The following L1CAM variants were observed in gnomAD, a reference collection of about 807,000 sequenced individuals.
L1CAM encodes L1 cell adhesion molecule, also known as neural cell adhesion molecule L1.
In L1CAM, 8 loss-of-function variants were observed where a neutral mutation model predicts 93.0. That is an observed-to-expected ratio of 0.09 (90% CI 0.05 to 0.16). L1CAM has a LOEUF of 0.16. L1CAM is among the 10% of genes least tolerant of loss of function. The probability of loss-of-function intolerance (pLI) is 1.00; values close to 1 mark genes in which losing one functional copy is unlikely to be tolerated. For missense variants in L1CAM, 777 were observed against 1,073.4 expected (o/e 0.72, Z 3.86); for synonymous variants, 453 against 453.0 (o/e 1.00, Z 0.00).
At position 153,870,495 on chromosome X, in the gene L1CAM, G is replaced by A. The variant is rs2064759219; in HGVS notation, c.699C>T (p.Asn233=). ...EPIDLRVKAT[N]SMIDRKPRLL... ...GGCGCGGCTTCCTGTCAATCATGCTGTTGGCTGCCAGGAGAAAGTGGGTGG... is the reference window on the plus strand; with the variant it reads ...GGCGCGGCTTCCTGTCAATCATGCTATTGGCTGCCAGGAGAAAGTGGGTGG... The change falls in exon 8 of 29, where the codon AAC becomes AAT. Residue 233 remains asparagine (N), a synonymous_variant. Transcript: ENST00000370060. The A allele has an allele frequency of 8.3e-7, 1 of 1,207,291 alleles. No individual in the cohort carries two copies. Among genetic ancestry groups the A allele is most frequent in the Non-Finnish European group, 1.1e-6 (1 of 891,241 alleles).
chrX:153,877,762 C>T (rs1478804336), intron 1 of L1CAM, among the ~76,000 whole-genome samples: 2 of 112,707 alleles, frequency 1.8e-5, no homozygotes, highest in Non-Finnish European at 3.7e-5. Context: ...AGGCCTCCTC[C>T]CTTCCAGATG....
intron 1 of L1CAM, among the ~76,000 whole-genome samples, chrX:153,877,036 A>G (rs2064818026): frequency 9.6e-6 from 1 of 104,408 alleles, no homozygotes; most frequent in Non-Finnish European, 2.0e-5. Flanking sequence ...GGCCAGGCAC[A>G]GTGGCTCATG....
chrX:153,880,830 G>A, intron 1 of L1CAM: 1 of 267,757 alleles, frequency 3.7e-6, no homozygotes. Context: ...CTTTATGACT[G>A]CTGCTTAGTC....
chrX:153,864,262 C>T, intron 25 of L1CAM, 60 bp downstream of exon 25: 1 of 1,163,947 alleles, frequency 8.6e-7, no homozygotes. Context: ...GACAGAAGGA[C>T]ATGAATTGTG....
rs137940405 is a variant in L1CAM, at chrX:153,868,040, C to T, written c.1786G>A (p.Glu596Lys). The change falls in exon 15 of 29, where the codon GAA (glutamate) becomes AAA (lysine). Residue 596 changes from glutamate (E) to lysine (K), a missense_variant. Glu to Lys is a moderately conservative substitution (Grantham distance 56, BLOSUM62 1). Around this residue, in one of 5 missense-constraint regions of L1CAM, gnomAD observed 574 missense variants for 781.0 expected, o/e 0.73. Transcript: ENST00000370060. ...GCCCTACTCTCCACCACATCCAGTTCGGTACTGGCCACGCAGCTGTAGTTG... is the reference window on the plus strand; with the variant it reads ...GCCCTACTCTCCACCACATCCAGTTTGGTACTGGCCACGCAGCTGTAGTTG... ...QGNYSCVAST[E>K]LDVVESRAQL... 14 of 1,208,575 alleles carry T rather than the reference C, an allele frequency of 1.2e-5. No homozygotes were observed. The highest frequency in any genetic ancestry group is 1.1e-4 in the Admixed American group (5 of 45,719).
intron 1 of L1CAM, among the ~76,000 whole-genome samples, chrX:153,876,720 G>A (rs782215724): frequency 5.1e-4 from 58 of 112,958 alleles, no homozygotes; most frequent in Admixed American, 2.9e-3. Flanking sequence ...AGGGCCAGGC[G>A]TGGTGGCTCA....
At chrX:153,884,569 G>A (rs1486723477) in intron 1 of L1CAM, 2 of 190,205 alleles carry the variant, frequency 1.1e-5, no homozygotes, top group African/African-American at 2.9e-5. Context: ...TATGGAGAGA[G>A]ACTCAGATGC....
At chrX:153,885,529 A>G (rs1191131358) in intron 1 of L1CAM, 92 of 514,331 alleles carry the variant, frequency 1.8e-4, no homozygotes, top group Non-Finnish European at 2.5e-4. Context: ...GGCAGCGCCC[A>G]GTCCCGTTCA....
chrX:153,876,861 T>C (rs1057243613), intron 1 of L1CAM, among the ~76,000 whole-genome samples: 1 of 108,849 alleles, frequency 9.2e-6, no homozygotes, highest in Non-Finnish European at 1.9e-5. Context: ...AAATTAGCCT[T>C]GGTGGTGGGC....
intron 2 of L1CAM, among the ~76,000 whole-genome samples, chrX:153,874,624 CT>C (rs2064799222): frequency 8.9e-6 from 1 of 112,504 alleles, no homozygotes; most frequent in Non-Finnish European, 1.9e-5. Flanking sequence ...CTCGCAGCCC[CT>C]GTCCCACTGC....
chrX:153,869,374 C>A, intron 11 of L1CAM, 146 bp downstream of exon 11: 1 of 635,583 alleles, frequency 1.6e-6, no homozygotes, highest in Non-Finnish European at 2.6e-6. Flanking sequence ...TGAGATGGGG[C>A]GAAGGGTGTC....
At chrX:153,878,491 G>T (rs2064827399) in intron 1 of L1CAM, among the ~76,000 whole-genome samples, 1 of 112,877 alleles carries the variant, frequency 8.9e-6, no homozygotes, top group South Asian at 3.6e-4. Context: ...AGCAACAGTG[G>T]ATCTGTTCCA....
In L1CAM at chrX:153,872,650, C is replaced by A. The variant is rs147251476; in HGVS notation, c.139G>T (p.Val47Phe). 1.9e-5 allele frequency: 23 copies of A among 1,209,124 alleles called. No individual in the cohort carries two copies. In the African/African-American group the frequency reaches 3.5e-4, roughly 18 times the overall value. Residue 47 changes from valine (V) to phenylalanine (F), a missense_variant, in exon 4 of 29, where the codon GTC becomes TTC. Physicochemically the swap from Val to Phe is conservative, Grantham distance 50 (BLOSUM62 -1). Coordinates refer to ENST00000370060, the MANE Select transcript of L1CAM (RefSeq NM_001278116.2). ...ITEQSPRRLV[V>F]FPTDDISLKC... ...AGGCTGATGTCATCTGTGGGGAAGA[C>A]AACCAGGCGCCGTGGAGACTGTTCC...
At position 153,865,150 on chromosome X, in the gene L1CAM, C is replaced by T. The variant is rs782089051; in HGVS notation, c.2810G>A (p.Arg937His). The T allele has an allele frequency of 1.4e-5, 17 of 1,207,354 alleles. No individual in the cohort carries two copies. The East Asian group carries it at 1.8e-4, about 13-fold the overall frequency. ...GTTGTGGCTGAGTGGGGGCTGCCAG[C>T]GCAGCAGCAGGCTGGTGTTCGACTG... ...ECQSNTSLLL[R>H]WQPPLSHNGV... The change falls in exon 22 of 29, where the codon CGC becomes CAC. Residue 937 changes from arginine to histidine, a missense_variant. Physicochemically the swap from Arg to His is conservative, Grantham distance 29 (BLOSUM62 0). This residue lies in a region of L1CAM where 71 missense variants were observed against 77.4 expected (regional missense o/e 0.92). Coordinates refer to ENST00000370060, the MANE Select transcript of L1CAM (RefSeq NM_001278116.2).
At chrX:153,869,167 T>C (rs181004547) in intron 11 of L1CAM, 8 of 451,944 alleles carry the variant, frequency 1.8e-5, no homozygotes, top group Non-Finnish European at 2.3e-5. Flanking sequence ...CCACCCAACT[T>C]TTACGTTATT....
At position 153,870,975 on chromosome X, in the gene L1CAM, G is replaced by C. The variant is rs370801405; in HGVS notation, c.524-15C>G. 6.6e-6 allele frequency: 8 copies of C among 1,208,783 alleles called. No individual in the cohort carries two copies. The African/African-American group carries it at 1.4e-4, about 21-fold the overall frequency. The stretch of plus-strand genomic sequence containing the variant: ...GTGCAAGATCTCTGCAGGGGGCAAG[G>C]AGGCCGAAGTCATGACCCCGTCCAG... On this transcript the variant is annotated splice_polypyrimidine_tract_variant and intron_variant, in intron 6 of 28. Coordinates refer to ENST00000370060, the MANE Select transcript of L1CAM (RefSeq NM_001278116.2).
chrX:153,872,764 G>A, intron 3 of L1CAM, 67 bp from the exon 4 acceptor site: 1 of 923,195 alleles, frequency 1.1e-6, no homozygotes, highest in Non-Finnish European at 1.6e-6. Context: ...CTCAGCACCT[G>A]TCCCATCGTG....
At chrX:153,877,152 A>G (rs1443351492) in intron 1 of L1CAM, among the ~76,000 whole-genome samples, 1 of 108,683 alleles carries the variant, frequency 9.2e-6, no homozygotes, top group African/African-American at 3.4e-5. Flanking sequence ...TAGTAAAAAT[A>G]CAAAATTAGG....
chrX:153,874,041 G>A (rs782515959), intron 2 of L1CAM, among the ~76,000 whole-genome samples: 90 of 112,861 alleles, frequency 8.0e-4, no homozygotes, highest in African/African-American at 2.7e-3. Context: ...TGGGGACACT[G>A]CAGAGGGCCC....
Sources: gnomAD v4.1 joint callset for allele counts (sites outside exome capture counted in the v4.1 genomes callset) on GRCh38, gnomAD v4.1.1 for gene constraint, gnomAD v4.1.1 regional missense constraint, MANE v1.5 for transcripts, NCBI Gene and HGNC (gene_info 2026-07-23, HGNC 2026-07-21) for gene names.